CASP2: variants seen among roughly 807,000 people sequenced by gnomAD.
CASP2 encodes the protein caspase-2.
A neutral mutation model predicts 54.4 loss-of-function variants in CASP2; 38 were observed. That is an observed-to-expected ratio of 0.70 (90% CI 0.54 to 0.92). The LOEUF (loss-of-function observed/expected upper bound fraction) is 0.92. Among genes scored for constraint, CASP2 ranks in the 40% least tolerant of loss-of-function variants. The pLI, the probability that CASP2 is intolerant of heterozygous loss-of-function variation, is 0.00. For missense variants in CASP2, 512 were observed against 579.6 expected, an observed-to-expected ratio of 0.88 and a Z score of 1.20; for synonymous variants, 215 against 216.3, an observed-to-expected ratio of 0.99 and a Z score of 0.05.
At position 143,294,542 on chromosome 7, in the gene CASP2, C is replaced by T. The variant is rs1586458142; in HGVS notation, c.571-55C>T. The stretch of plus-strand genomic sequence containing the variant: ...GTTTTCTTGAAATGTCTAATCTAGC[C>T]GAGGAATCATCTGTTATCAAGACGC... On this transcript the variant is annotated intron_variant, in intron 5 of 10. Coordinates refer to ENST00000310447, the MANE Select transcript of CASP2 (RefSeq NM_032982.4). 15 of 1,498,510 alleles carry T rather than the reference C, an allele frequency of 1.0e-5. No individual in the cohort carries two copies. In the East Asian group the frequency reaches 2.0e-4, roughly 20 times the overall value. The allele number at this position is 1,498,510 out of a possible 1,614,324, so 92.8% of individuals were successfully genotyped here.
chr7:143,297,748 T>G (rs922663567), intron 6 of CASP2, among the ~76,000 whole-genome samples: 1 of 152,226 alleles, frequency 6.6e-6, no homozygotes, highest in African/African-American at 2.4e-5. Context: ...CGCCCGGCCT[T>G]TGTTTTCTTC....
intron 6 of CASP2, among the ~76,000 whole-genome samples, chr7:143,295,936 T>A (rs1253692781): frequency 1.3e-5 from 2 of 152,220 alleles, no homozygotes; most frequent in Non-Finnish European, 2.9e-5. Flanking sequence ...AAGGGCAGGG[T>A]ACCAGCCATA....
intron 8 of CASP2, chr7:143,303,189 T>C (rs887530924): frequency 1.3e-5 from 2 of 152,170 alleles, no homozygotes; most frequent in Non-Finnish European, 2.9e-5. Flanking sequence ...TGCTATAATT[T>C]ATCTTATGAA....
chr7:143,293,114 GTTTTT>G, intron 4 of CASP2: 1 of 564,074 alleles, frequency 1.8e-6, no homozygotes, highest in African/African-American at 2.2e-5. Context: ...CCTTTTTTTT[GTTTTT>G]TTTTTTTTTT....
intron 1 of CASP2, among the ~76,000 whole-genome samples, chr7:143,289,819 G>GA (rs1462461742): frequency 1.3e-5 from 2 of 152,192 alleles, no homozygotes; most frequent in East Asian, 1.9e-4. Context: ...GTAAAAAGAA[G>GA]AAAAAATGGA....
chr7:143,293,130 G>GTT, intron 4 of CASP2: 1 of 424,686 alleles, frequency 2.4e-6, no homozygotes, highest in Non-Finnish European at 4.0e-6. Context: ...TTTTTTTTTT[G>GTT]TTGTGTTTTT....
rs762173952 is a variant in CASP2 at position 143,300,223 on chromosome 7, T to C, written c.896T>C (p.Leu299Pro). 6.2e-7 allele frequency: 1 copy of C among 1,614,156 alleles called. No individual in the cohort carries two copies. The highest frequency in any genetic ancestry group is 1.7e-5 in the Admixed American group (1 of 60,028). Reference sequence around the variant, plus strand: ...TGGCAGCTCCAAGAGGTTTTTCAGCTCTTTGACAACGCCAACTGCCCAAGC... The same window carrying C: ...TGGCAGCTCCAAGAGGTTTTTCAGCCCTTTGACAACGCCAACTGCCCAAGC... ...KLLQLQEVFQ[L>P]FDNANCPSLQ... The change falls in exon 8 of 11, where the codon CTC becomes CCC. Residue 299 changes from leucine to proline, a missense_variant. Physicochemically the swap from Leu to Pro is moderately conservative, Grantham distance 98. This residue lies in a region of CASP2 where 417 missense variants were observed against 495.4 expected (regional missense o/e 0.84). Transcript: ENST00000310447.
chr7:143,299,781 T>C, intron 6 of CASP2, 142 bp from the exon 7 acceptor site: 2 of 863,546 alleles, frequency 2.3e-6, no homozygotes, highest in South Asian at 1.5e-5. Context: ...TCTCAAAAGG[T>C]CTCTTCTTTT....
chr7:143,294,465 C>G, intron 5 of CASP2, 132 bp from the exon 6 acceptor site: 1 of 1,056,908 alleles, frequency 9.5e-7, no homozygotes, highest in Admixed American at 1.7e-5. Flanking sequence ...CTTCTGTGAG[C>G]ATTTGTCTAT....
chr7:143,291,798 T>TTTTTTTTTTG (rs1801576138), intron 2 of CASP2, 108 bp downstream of exon 2: 1 of 996,232 alleles, frequency 1.0e-6, no homozygotes, highest in Non-Finnish European at 1.5e-6. Context: ...TTTTTTTTTT[T>TTTTTTTTTTG]TTGAGACAGA....
intron 4 of CASP2, 142 bp downstream of exon 4, chr7:143,292,840 G>A (rs1286661489): frequency 7.1e-6 from 5 of 705,540 alleles, no homozygotes; most frequent in African/African-American, 5.3e-5. Flanking sequence ...GTGAAACCCC[G>A]TCTCTACTAA....
chr7:143,299,099 A>G (rs1309259914), intron 6 of CASP2, among the ~76,000 whole-genome samples: 1 of 152,110 alleles, frequency 6.6e-6, no homozygotes, highest in African/African-American at 2.4e-5. Context: ...AGCTGGGACT[A>G]TAAGCATGCA....
chr7:143,294,151 A>G (rs545254526), intron 4 of CASP2, 79 bp from the exon 5 acceptor site: 2 of 835,656 alleles, frequency 2.4e-6, no homozygotes, highest in Non-Finnish European at 4.2e-6. Flanking sequence ...GTTGCAAGAG[A>G]TGTCTGAAGT....
chr7:143,288,498 A>T lies in CASP2; in HGVS notation c.43A>T (p.Lys15Ter). ...GGGGTCTTGGTCCACCTTCCAGCAC[A>T]AGGAGCTGATGGCCGCTGACAGGGG... is the stretch of plus-strand genomic sequence containing the variant. ...SAGSWSTFQH[K>*]ELMAADRGRR... The change falls in exon 1 of 11, where the codon AAG (lysine) becomes TAG (stop). Residue 15 changes from lysine to a stop codon, truncating the protein, a stop_gained. Transcript: ENST00000310447. LOFTEE classifies it high-confidence loss of function. 6.2e-7 allele frequency: 1 copy of T among 1,613,402 alleles called. No homozygotes were observed. The highest frequency in any genetic ancestry group is 8.5e-7 in the Non-Finnish European group (1 of 1,179,674).
Position 143,288,428 on chromosome 7 carries a change from G to C in CASP2, c.-28G>C. The C allele has an allele frequency of 6.2e-7, 1 of 1,609,912 alleles. No homozygotes were observed. Among genetic ancestry groups the C allele is most frequent in the Non-Finnish European group, 8.5e-7 (1 of 1,177,974 alleles). Reference sequence around the variant, plus strand: ...GGTTTGTTTGGGCTGTGGGCGGTGCGCAGCGGAGAGCCCGGGAAAAGCGGG... The same window carrying C: ...GGTTTGTTTGGGCTGTGGGCGGTGCCCAGCGGAGAGCCCGGGAAAAGCGGG... On this transcript the variant is annotated 5_prime_UTR_variant, in exon 1 of 11. Transcript: ENST00000310447.
Position 143,294,842 on chromosome 7 carries a change from G to A in CASP2, c.747+69G>A, listed in dbSNP as rs1003817496. The A allele has an allele frequency of 1.4e-5, 19 of 1,335,468 alleles. No homozygotes were observed. The East Asian group carries it at 1.9e-4, about 13-fold the overall frequency. The allele number at this position is 1,335,468 out of a possible 1,614,324, so 82.7% of individuals were successfully genotyped here. A position where few individuals can be genotyped will look rare whatever the true frequency, so the allele number is the denominator to read the frequency against. On this transcript the variant is annotated intron_variant, in intron 6 of 10. Coordinates refer to ENST00000310447, the MANE Select transcript of CASP2 (RefSeq NM_032982.4). ...ACAACACTTTGGGACCAGAGACATC[G>A]TTTGTTCCTGTGCCTGCTGGGATAT...
chr7:143,288,477 T>A lies in CASP2; in HGVS notation c.22T>A (p.Ser8Thr), dbSNP rs780505554. 4 of 1,613,086 alleles carry A rather than the reference T, an allele frequency of 2.5e-6. No homozygotes were observed. In the Admixed American group the frequency reaches 6.7e-5, roughly 27 times the overall value. Residue 8 changes from serine to threonine, a missense_variant, in exon 1 of 11, where the codon TCT becomes ACT. Physicochemically the swap from Ser to Thr is moderately conservative, Grantham distance 58 (BLOSUM62 1). Around this residue, in one of 3 missense-constraint regions of CASP2, gnomAD observed 89 missense variants for 67.1 expected, o/e 1.33. Coordinates refer to ENST00000310447, the MANE Select transcript of CASP2 (RefSeq NM_032982.4). ...GGAAATGGCGGCGCCGAGCGCGGGG[T>A]CTTGGTCCACCTTCCAGCACAAGGA... MAAPSAG[S>T]WSTFQHKELM...
intron 1 of CASP2, among the ~76,000 whole-genome samples, chr7:143,289,322 A>G (rs1158834853): frequency 1.3e-5 from 2 of 152,208 alleles, no homozygotes; most frequent in Non-Finnish European, 2.9e-5. Context: ...CATACTACAG[A>G]GTAGAGGAAG....
chr7:143,291,406 G>T, intron 1 of CASP2, 134 bp from the exon 2 acceptor site: 1 of 883,754 alleles, frequency 1.1e-6, no homozygotes, highest in Non-Finnish European at 1.9e-6. Context: ...GCTTTAACCA[G>T]ATTTAAGAAA....
Sources: allele counts gnomAD v4.1 joint callset (sites outside exome capture counted in the v4.1 genomes callset), GRCh38; gene constraint gnomAD v4.1.1; regional missense constraint gnomAD v4.1.1; transcripts MANE v1.5; gene names NCBI Gene and HGNC (gene_info 2026-07-23, HGNC 2026-07-21).